Variants in RALGPS2 observed in about 807,000 individuals in gnomAD.
RALGPS2 encodes Ral GEF with PH domain and SH3 binding motif 2.
In RALGPS2, 43 loss-of-function variants were observed where a neutral mutation model predicts 86.8. The observed-to-expected ratio is 0.50, with a 90% CI of 0.39 to 0.64. The LOEUF (loss-of-function observed/expected upper bound fraction) is 0.64, where lower values mean the gene tolerates loss of function less well. RALGPS2 is among the 30% of genes least tolerant of loss of function. The probability of loss-of-function intolerance (pLI) is 0.00; values close to 1 mark genes in which losing one functional copy is unlikely to be tolerated. For missense variants in RALGPS2, 536 were observed against 694.6 expected, an observed-to-expected ratio of 0.77 and a Z score of 2.57; for synonymous variants, 243 against 231.3, an observed-to-expected ratio of 1.05 and a Z score of -0.46.
chr1:178,786,566 T>C (rs1653659142), intron 4 of RALGPS2, among the ~76,000 whole-genome samples: 1 of 151,892 alleles, frequency 6.6e-6, no homozygotes, highest in African/African-American at 2.4e-5. Context: ...TGATAGTATC[T>C]CTGTTTTACT....
chr1:178,749,224 C>T (rs560450313), intron 1 of RALGPS2, among the ~76,000 whole-genome samples: 1 of 152,214 alleles, frequency 6.6e-6, no homozygotes, highest in East Asian at 1.9e-4. Flanking sequence ...TGGTGGCTCA[C>T]GCCTATAATC....
At chr1:178,744,669 T>C (rs1362645144) in intron 1 of RALGPS2, among the ~76,000 whole-genome samples, 1 of 151,636 alleles carries the variant, frequency 6.6e-6, no homozygotes, top group Non-Finnish European at 1.5e-5. Flanking sequence ...CAAAAAAAAT[T>C]AGCGCGGCAT....
chr1:178,784,237 A>C (rs1472342391), intron 2 of RALGPS2, among the ~76,000 whole-genome samples, 181 bp from the exon 3 acceptor site: 2 of 152,134 alleles, frequency 1.3e-5, no homozygotes, highest in African/African-American at 2.4e-5. Flanking sequence ...ACAGTTTTAG[A>C]TTTCAAGTTG....
At chr1:178,860,263 G>A (rs535731972) in intron 8 of RALGPS2, among the ~76,000 whole-genome samples, 3,264 of 152,220 alleles carry the variant, frequency 0.021, 39 homozygotes, top group Middle Eastern at 0.041. Context: ...ATTGCAGCTT[G>A]TCAGGTGTAT....
chr1:178,730,574 A>T (rs555561774), intron 1 of RALGPS2, among the ~76,000 whole-genome samples: 11 of 122,084 alleles, frequency 9.0e-5, no homozygotes, highest in African/African-American at 2.2e-4. Flanking sequence ...CTTCAGTTTT[A>T]AAAAAAAAAA....
intron 1 of RALGPS2, among the ~76,000 whole-genome samples, chr1:178,748,999 G>T (rs1278812103): frequency 6.6e-6 from 1 of 151,882 alleles, no homozygotes. Flanking sequence ...TTGTTTGTTT[G>T]TTTTGTTTTT....
intron 14 of RALGPS2, among the ~76,000 whole-genome samples, chr1:178,891,590 T>C: frequency 6.6e-6 from 1 of 152,114 alleles, no homozygotes; most frequent in East Asian, 1.9e-4. Flanking sequence ...AGTATTTTTA[T>C]GTGTCTGTTT....
At chr1:178,830,222 C>T (rs1330033182) in intron 7 of RALGPS2, among the ~76,000 whole-genome samples, 2 of 152,064 alleles carry the variant, frequency 1.3e-5, no homozygotes, top group Admixed American at 6.6e-5. Context: ...TACCCCAGTA[C>T]TGCTGGTGGA....
chr1:178,903,372 T>C (rs1660257839), intron 18 of RALGPS2, among the ~76,000 whole-genome samples: 1 of 152,018 alleles, frequency 6.6e-6, no homozygotes, highest in African/African-American at 2.4e-5. Flanking sequence ...TTCCCATAAG[T>C]TATTGGGGTA....
intron 17 of RALGPS2, among the ~76,000 whole-genome samples, chr1:178,900,689 C>G (rs889842760): frequency 4.2e-4 from 64 of 152,022 alleles, no homozygotes; most frequent in African/African-American, 1.4e-3. Context: ...AAACACAAGT[C>G]AGAGTGTAAA....
chr1:178,874,602 CT>C (rs1344586304), intron 8 of RALGPS2, among the ~76,000 whole-genome samples: 1 of 152,200 alleles, frequency 6.6e-6, no homozygotes, highest in African/African-American at 2.4e-5. Flanking sequence ...TATGAAACTC[CT>C]GTTTAAACTT....
At chr1:178,811,478 T>C in intron 6 of RALGPS2, 74 bp downstream of exon 6, 2 of 1,063,914 alleles carry the variant, frequency 1.9e-6, no homozygotes, top group South Asian at 3.1e-5. Flanking sequence ...ATATTCGTGA[T>C]GCTTTATTCA....
intron 1 of RALGPS2, among the ~76,000 whole-genome samples, chr1:178,726,801 T>G (rs1446406184): frequency 6.6e-6 from 1 of 152,236 alleles, no homozygotes; most frequent in African/African-American, 2.4e-5. Flanking sequence ...AGGAAACTTT[T>G]CAGCCCGTGT....
chr1:178,784,522 G>T lies in RALGPS2; in HGVS notation c.162G>T (p.Ala54=). The T allele has an allele frequency of 6.3e-7, 1 of 1,582,162 alleles. No homozygotes were observed. The highest frequency in any genetic ancestry group is 1.7e-5 in the Admixed American group (1 of 59,254). ...DVLKVTPEEY[A]GQITLMDVPV... ...TTAAGGTTACACCAGAAGAATATGC[G>T]GTAAGCCTCCTACCTCTGTCTTCTC... Residue 54 remains alanine (A), a splice_region_variant and synonymous_variant, in exon 3 of 20, where the codon GCG becomes GCT. Transcript: ENST00000367635.
At chr1:178,808,505 A>T (rs1031552409) in intron 5 of RALGPS2, among the ~76,000 whole-genome samples, 2 of 152,098 alleles carry the variant, frequency 1.3e-5, no homozygotes, top group African/African-American at 4.8e-5. Flanking sequence ...AAAATTTATT[A>T]ATTTTCAACA....
At chr1:178,860,415 A>G (rs1025447608) in intron 8 of RALGPS2, among the ~76,000 whole-genome samples, 1 of 152,210 alleles carries the variant, frequency 6.6e-6, no homozygotes, top group Non-Finnish European at 1.5e-5. Flanking sequence ...TAAAGAAAAT[A>G]AAAGATTGTC....
intron 1 of RALGPS2, among the ~76,000 whole-genome samples, chr1:178,736,118 T>C (rs1650686106): frequency 6.6e-6 from 1 of 152,040 alleles, no homozygotes; most frequent in African/African-American, 2.4e-5. Flanking sequence ...AACGTATATA[T>C]GTTGATGTGT....
intron 4 of RALGPS2, among the ~76,000 whole-genome samples, chr1:178,794,083 A>G (rs898299501): frequency 2.0e-5 from 3 of 152,042 alleles, no homozygotes; most frequent in Non-Finnish European, 4.4e-5. Flanking sequence ...TTTGATCATG[A>G]AGGTTTGTTT....
intron 1 of RALGPS2, among the ~76,000 whole-genome samples, chr1:178,742,132 C>CAAAAAAAA (rs34861793): frequency 1.2e-5 from 1 of 82,704 alleles, no homozygotes; most frequent in African/African-American, 4.4e-5. Flanking sequence ...AAGATTCCGT[C>CAAAAAAAA]AAAAAAAAAA....
Sources: gnomAD v4.1 joint callset for allele counts (sites outside exome capture counted in the v4.1 genomes callset) on GRCh38, gnomAD v4.1.1 for gene constraint, MANE v1.5 for transcripts, NCBI Gene and HGNC (gene_info 2026-07-23, HGNC 2026-07-21) for gene names.